ERC2: variants seen among roughly 807,000 people sequenced by gnomAD.
ERC2 encodes the protein ELKS/RAB6-interacting/CAST family member 2.
Under a neutral mutation model 114.8 loss-of-function variants are expected in ERC2, and 42 were observed. The observed-to-expected ratio is 0.37, with a 90% CI of 0.29 to 0.47. The LOEUF is 0.47. Ranked by LOEUF, ERC2 falls within the 20% of genes least tolerant of loss-of-function variation. The pLI, the probability that ERC2 is intolerant of heterozygous loss-of-function variation, is 0.99. For synonymous variants in ERC2, 454 were observed against 425.5 expected (o/e 1.07, Z -0.82); for missense variants, 939 against 1,150.7 (o/e 0.82, Z 2.66).
At chr3:55,631,774 T>A (rs1256847902) in intron 17 of ERC2, among the ~76,000 whole-genome samples, 3 of 152,246 alleles carry the variant, frequency 2.0e-5, no homozygotes, top group East Asian at 3.9e-4. Flanking sequence ...CACTCTCAAA[T>A]CCACACTGTT....
At chr3:56,054,470 A>G (rs2075912909) in intron 7 of ERC2, among the ~76,000 whole-genome samples, 1 of 152,252 alleles carries the variant, frequency 6.6e-6, no homozygotes, top group Non-Finnish European at 1.5e-5. Flanking sequence ...TGCCTTTCAT[A>G]TATATGATAG....
intron 2 of ERC2, among the ~76,000 whole-genome samples, chr3:56,412,906 T>G (rs1159696958): frequency 6.6e-6 from 1 of 152,164 alleles, no homozygotes; most frequent in Non-Finnish European, 1.5e-5. Context: ...AAAAAATGGA[T>G]AGACATATTA....
chr3:56,364,357 C>T (rs149818447), intron 2 of ERC2, among the ~76,000 whole-genome samples: 246 of 152,216 alleles, frequency 1.6e-3, no homozygotes, highest in African/African-American at 5.4e-3. Flanking sequence ...TAATTAATAC[C>T]ATTAGATTGC....
intron 14 of ERC2, among the ~76,000 whole-genome samples, chr3:55,814,877 C>G (rs1194869073): frequency 6.6e-6 from 1 of 152,216 alleles, no homozygotes; most frequent in Non-Finnish European, 1.5e-5. Context: ...GGCAAGAAGT[C>G]TGCTCTTTAC....
intron 17 of ERC2, among the ~76,000 whole-genome samples, chr3:55,545,841 G>A (rs1375762217): frequency 6.6e-6 from 1 of 152,200 alleles, no homozygotes; most frequent in Admixed American, 6.5e-5. Flanking sequence ...TGGCTGGGCT[G>A]GACAGCCGGC....
intron 12 of ERC2, among the ~76,000 whole-genome samples, chr3:55,952,174 C>CTAT (rs1171234318): frequency 6.7e-4 from 37 of 55,066 alleles, no homozygotes; most frequent in African/African-American, 1.6e-3. Context: ...CACACACACA[C>CTAT]ACACACTCTC....
chr3:56,139,423 G>C, intron 6 of ERC2, 86 bp downstream of exon 6: 2 of 1,347,206 alleles, frequency 1.5e-6, no homozygotes, highest in Non-Finnish European at 2.0e-6. Flanking sequence ...TTAGGATAAA[G>C]GGTCTTTGGA....
At chr3:56,004,387 T>C (rs758207289) in intron 10 of ERC2, among the ~76,000 whole-genome samples, 2 of 152,026 alleles carry the variant, frequency 1.3e-5, no homozygotes, top group Non-Finnish European at 2.9e-5. Context: ...CTAATATCAG[T>C]AAAAATTTCC....
intron 17 of ERC2, among the ~76,000 whole-genome samples, chr3:55,678,028 T>C (rs1280686325): frequency 1.3e-5 from 2 of 152,190 alleles, no homozygotes; most frequent in African/African-American, 2.4e-5. Flanking sequence ...GATATTCAAG[T>C]TGAAGCTCTA....
Position 55,575,702 on chromosome 3 carries a change from G to C in ERC2, c.*40-64426C>G, listed in dbSNP as rs574799555. ...TTGCCCTGGCTCCAGGCCTTCTCCAGCTCCACTAGTGGCTCAGCTGAGGGG... is the reference window on the plus strand; with the variant it reads ...TTGCCCTGGCTCCAGGCCTTCTCCACCTCCACTAGTGGCTCAGCTGAGGGG... On this transcript the variant is annotated intron_variant, in intron 17 of 17. Coordinates refer to ENST00000288221, the MANE Select transcript of ERC2 (RefSeq NM_015576.3). 1.2e-4 allele frequency among the ~76,000 whole-genome samples: 18 copies of C among 152,270 alleles called. 1 individual carries two copies. The South Asian group carries it at 3.5e-3, about 30-fold the overall frequency.
chr3:55,847,190 A>T (rs1431640449), intron 14 of ERC2, among the ~76,000 whole-genome samples: 1 of 152,240 alleles, frequency 6.6e-6, no homozygotes, highest in African/African-American at 2.4e-5. Context: ...CAATTCACAA[A>T]GGAAAAAGTA....
intron 14 of ERC2, among the ~76,000 whole-genome samples, chr3:55,749,264 T>A (rs2066509495): frequency 6.6e-6 from 1 of 152,100 alleles, no homozygotes. Context: ...GCAATACCGA[T>A]CTGTTGAATG....
chr3:55,755,132 C>T (rs1217016056), intron 14 of ERC2, among the ~76,000 whole-genome samples: 1 of 151,058 alleles, frequency 6.6e-6, no homozygotes, highest in Non-Finnish European at 1.5e-5. Flanking sequence ...ATCTGCACTT[C>T]ATTTATTTAT....
intron 3 of ERC2, among the ~76,000 whole-genome samples, chr3:56,212,684 A>G (rs1374994747): frequency 2.6e-5 from 4 of 152,234 alleles, no homozygotes; most frequent in Non-Finnish European, 5.9e-5. Flanking sequence ...TGCAATTGCA[A>G]AAATATGGAA....
intron 6 of ERC2, among the ~76,000 whole-genome samples, chr3:56,138,772 A>G (rs979312959): frequency 1.3e-5 from 2 of 152,218 alleles, no homozygotes; most frequent in African/African-American, 2.4e-5. Flanking sequence ...GCATTTGATA[A>G]CTATTTTATT....
chr3:55,979,958 C>CTT (rs57387241), intron 12 of ERC2, among the ~76,000 whole-genome samples: 2 of 129,148 alleles, frequency 1.5e-5, no homozygotes. Context: ...CTTTTTTTTT[C>CTT]TTTTTTTTTT....
chr3:55,762,234 A>G (rs1351614136), intron 14 of ERC2, among the ~76,000 whole-genome samples: 1 of 152,152 alleles, frequency 6.6e-6, no homozygotes, highest in East Asian at 1.9e-4. Context: ...ACACTGAGTT[A>G]AATAATCGGA....
intron 17 of ERC2, among the ~76,000 whole-genome samples, chr3:55,531,760 T>C (rs1057127834): frequency 1.3e-5 from 2 of 152,214 alleles, no homozygotes; most frequent in African/African-American, 4.8e-5. Flanking sequence ...TGGCTGCCTT[T>C]GTCGAATGGT....
intron 14 of ERC2, among the ~76,000 whole-genome samples, chr3:55,865,987 G>A (rs1348315289): frequency 6.6e-6 from 1 of 152,102 alleles, no homozygotes; most frequent in African/African-American, 2.4e-5. Flanking sequence ...TTGAATTGCT[G>A]TGTCATATGG....
Sources: gnomAD v4.1 joint callset for allele counts (sites outside exome capture counted in the v4.1 genomes callset) on GRCh38, gnomAD v4.1.1 for gene constraint, MANE v1.5 for transcripts, NCBI Gene and HGNC (gene_info 2026-07-23, HGNC 2026-07-21) for gene names.